Variants in GRIK5 observed in about 807,000 individuals in gnomAD.
GRIK5 encodes the protein glutamate receptor ionotropic, kainate 5.
In GRIK5, 43 loss-of-function variants were observed where a neutral mutation model predicts 97.4. That is an observed-to-expected ratio of 0.44 (90% CI 0.35 to 0.57). GRIK5 has a LOEUF of 0.57. Among genes scored for constraint, GRIK5 ranks in the 20% least tolerant of loss-of-function variants. The pLI, the probability that GRIK5 is intolerant of heterozygous loss-of-function variation, is 0.01. For missense variants in GRIK5, 1,015 were observed against 1,382.0 expected (o/e 0.73, Z 4.21); for synonymous variants, 580 against 583.5 (o/e 0.99, Z 0.09).
In GRIK5 at chr19:41,999,662, C is replaced by T. The variant is rs916187589; in HGVS notation, c.2515-363G>A. On this transcript the variant is annotated intron_variant, in intron 19 of 19. Coordinates refer to ENST00000593562, the MANE Select transcript of GRIK5 (RefSeq NM_002088.5). The surrounding 1 kb of genome is among the most constrained non-coding windows in gnomAD (Gnocchi z 5.0). The stretch of plus-strand genomic sequence containing the variant: ...CATCCATGCGTTCATTATTGCAAGG[C>T]ATATTTACCTGTGGCCTGCTGTGTG... Among the ~76,000 whole-genome samples, 7 of 152,182 alleles carry T rather than the reference C, an allele frequency of 4.6e-5. No homozygotes were observed. The highest frequency in any genetic ancestry group is 1.0e-4 in the Non-Finnish European group (7 of 68,034).
intron 12 of GRIK5, among the ~76,000 whole-genome samples, chr19:42,033,579 A>C (rs1568905348): frequency 6.6e-6 from 1 of 152,078 alleles, no homozygotes; most frequent in Non-Finnish European, 1.5e-5. Flanking sequence ...AGGTTATGAA[A>C]ACGTTTTGGA....
intron 19 of GRIK5, among the ~76,000 whole-genome samples, chr19:42,000,542 C>T (rs1351179879): frequency 3.3e-5 from 5 of 152,226 alleles, no homozygotes; most frequent in African/African-American, 1.2e-4. Context: ...CATCGCATCA[C>T]GTGCACACCT....
intron 12 of GRIK5, among the ~76,000 whole-genome samples, chr19:42,036,763 C>A (rs1232317202): frequency 6.6e-6 from 1 of 152,230 alleles, no homozygotes; most frequent in Non-Finnish European, 1.5e-5. Flanking sequence ...TAGAAACCTG[C>A]CATGTGTCAG....
chr19:42,018,303 G>A (rs1478488061), intron 15 of GRIK5, among the ~76,000 whole-genome samples: 8 of 148,490 alleles, frequency 5.4e-5, no homozygotes, highest in African/African-American at 1.0e-4. Context: ...CACGCTGGGC[G>A]ACAGAGCGAG....
intron 11 of GRIK5, among the ~76,000 whole-genome samples, chr19:42,043,678 C>T (rs1015624512): frequency 6.6e-6 from 1 of 152,040 alleles, no homozygotes; most frequent in African/African-American, 2.4e-5. Flanking sequence ...TCCCAAAGTG[C>T]AGGTGTGAGC....
chr19:42,028,295 C>A (rs913363536), intron 12 of GRIK5, among the ~76,000 whole-genome samples: 4 of 151,902 alleles, frequency 2.6e-5, no homozygotes, highest in Non-Finnish European at 5.9e-5. Flanking sequence ...TCTAAATGCC[C>A]AAAGCCAATC....
intron 12 of GRIK5, among the ~76,000 whole-genome samples, chr19:42,037,374 G>A (rs182216865): frequency 2.9e-4 from 44 of 152,268 alleles, no homozygotes; most frequent in Admixed American, 1.1e-3. Context: ...CAGGAAAATC[G>A]CTTGAACCCT....
intron 11 of GRIK5, among the ~76,000 whole-genome samples, chr19:42,045,684 A>T (rs1304957246): frequency 6.6e-6 from 1 of 152,204 alleles, no homozygotes; most frequent in African/African-American, 2.4e-5. Flanking sequence ...GCCTTTCCAG[A>T]ACCAAAATTG....
intron 1 of GRIK5, among the ~76,000 whole-genome samples, chr19:42,067,056 A>T (rs1263845361): frequency 6.6e-6 from 1 of 152,176 alleles, no homozygotes; most frequent in Non-Finnish European, 1.5e-5. Context: ...CCACTGGGCA[A>T]GGAGTTTGGC....
Position 42,006,768 on chromosome 19 carries a change from G to A in GRIK5, c.1914C>T (p.Asn638=). Residue 638 remains asparagine, a synonymous_variant, in exon 16 of 20, where the codon AAC becomes AAT. Coordinates refer to ENST00000593562, the MANE Select transcript of GRIK5 (RefSeq NM_002088.5). This position sits in a 1 kb window ranked among gnomAD's most constrained non-coding sequence, Gnocchi z 5.3. ...TLIIISSYTA[N]LAAFLTVQRM... ...GCTGCACGGTGAGGAAGGCGGCCAGGTTGGCCGTGTAGGAGGAGATGATGA... is the reference window on the plus strand; with the variant it reads ...GCTGCACGGTGAGGAAGGCGGCCAGATTGGCCGTGTAGGAGGAGATGATGA... 6.2e-7 allele frequency: 1 copy of A among 1,613,340 alleles called. No homozygotes were observed. Among genetic ancestry groups the A allele is most frequent in the Non-Finnish European group, 8.5e-7 (1 of 1,179,650 alleles).
At chr19:42,016,861 G>C (rs1233987760) in intron 15 of GRIK5, among the ~76,000 whole-genome samples, 1 of 152,136 alleles carries the variant, frequency 6.6e-6, no homozygotes, top group Non-Finnish European at 1.5e-5. Context: ...GATAATTCGA[G>C]GCCTGGTCTG....
intron 12 of GRIK5, among the ~76,000 whole-genome samples, chr19:42,024,276 A>AAT (rs2146058226): frequency 6.7e-6 from 1 of 149,522 alleles, no homozygotes; most frequent in East Asian, 2.0e-4. Context: ...GCACTGGTGC[A>AAT]ATCTCAGGTC....
intron 11 of GRIK5, among the ~76,000 whole-genome samples, chr19:42,050,017 C>T (rs960414854): frequency 6.6e-6 from 1 of 152,128 alleles, no homozygotes; most frequent in African/African-American, 2.4e-5. Context: ...GCAGCCTCAA[C>T]CTCCTGAGTT....
intron 12 of GRIK5, among the ~76,000 whole-genome samples, chr19:42,035,790 G>T (rs983043974): frequency 2.0e-5 from 3 of 152,168 alleles, no homozygotes; most frequent in African/African-American, 7.2e-5. Flanking sequence ...TCTCTGAGGT[G>T]TAAGAACATC....
At chr19:42,017,915 A>T (rs1178282996) in intron 15 of GRIK5, among the ~76,000 whole-genome samples, 1 of 152,098 alleles carries the variant, frequency 6.6e-6, no homozygotes, top group Non-Finnish European at 1.5e-5. Flanking sequence ...TGAAAGCAGG[A>T]AGGGCTCAGA....
intron 12 of GRIK5, among the ~76,000 whole-genome samples, chr19:42,028,459 C>T (rs1430825576): frequency 6.6e-6 from 1 of 152,236 alleles, no homozygotes; most frequent in Non-Finnish European, 1.5e-5. Context: ...AGAGGGATTG[C>T]TCCTTCCTGT....
At chr19:42,006,000 CT>C in intron 16 of GRIK5, 52 bp from the exon 17 acceptor site, 2 of 928,470 alleles carry the variant, frequency 2.2e-6, no homozygotes, top group Non-Finnish European at 3.4e-6. Flanking sequence ...CAGCCGCTTC[CT>C]TTCCCCGAGC....
intron 19 of GRIK5, among the ~76,000 whole-genome samples, chr19:42,000,947 G>C (rs917159555): frequency 1.5e-4 from 23 of 152,084 alleles, no homozygotes; most frequent in African/African-American, 5.3e-4. Context: ...CATCTTGCAG[G>C]CTGGGGAGAG....
rs143910690 is a variant in GRIK5 at position 42,056,274 on chromosome 19, G to A, written c.903+388C>T. ...GCTGGGATTACAGGTGTGAGCCACC[G>A]CGCCGGGCCAAGTTTACCATTTTTT... On this transcript the variant is annotated intron_variant, in intron 8 of 19. Coordinates refer to ENST00000593562, the MANE Select transcript of GRIK5 (RefSeq NM_002088.5). Among the ~76,000 whole-genome samples, 653 of 152,266 alleles carry A rather than the reference G, an allele frequency of 4.3e-3. 3 individuals carry two copies. The highest frequency in any genetic ancestry group is 0.015 in the African/African-American group (605 of 41,550).
Sources: gnomAD v4.1 joint callset for allele counts (sites outside exome capture counted in the v4.1 genomes callset) on GRCh38, gnomAD v4.1.1 for gene constraint, Gnocchi (gnomAD v3.1) non-coding constraint, MANE v1.5 for transcripts, NCBI Gene and HGNC (gene_info 2026-07-23, HGNC 2026-07-21) for gene names.